The following ZNF398 variants were observed in gnomAD, a reference collection of about 807,000 sequenced individuals.
ZNF398 encodes zinc finger DNA binding protein ZER6.
Under a neutral mutation model 41.9 loss-of-function variants are expected in ZNF398, and 18 were observed. The ratio of observed to expected loss-of-function variants is 0.43; its 90% CI spans 0.30 to 0.64. The LOEUF (loss-of-function observed/expected upper bound fraction) is 0.64. Among genes scored for constraint, ZNF398 ranks in the 30% least tolerant of loss-of-function variants. The probability of loss-of-function intolerance (pLI) is 0.14; values close to 1 mark genes in which losing one functional copy is unlikely to be tolerated. For missense variants in ZNF398, 669 were observed against 822.8 expected (o/e 0.81, Z 2.29); for synonymous variants, 260 against 308.8 (o/e 0.84, Z 1.66).
intron 2 of ZNF398, among the ~76,000 whole-genome samples, chr7:149,131,522 C>T (rs1335253922): frequency 6.6e-6 from 1 of 152,074 alleles, no homozygotes; most frequent in Non-Finnish European, 1.5e-5. Flanking sequence ...CCCATCTCTA[C>T]TACAAATACA....
chr7:149,161,087 C>T (rs1468316831), intron 2 of ZNF398, among the ~76,000 whole-genome samples: 2 of 152,076 alleles, frequency 1.3e-5, no homozygotes, highest in Non-Finnish European at 2.9e-5. Flanking sequence ...CACTGTGTCT[C>T]CTCCTCTTTG....
chr7:149,154,284 A>G lies in ZNF398; in HGVS notation c.364A>G (p.Asn122Asp), dbSNP rs768206745. The G allele has an allele frequency of 1.9e-6, 3 of 1,614,030 alleles. No individual in the cohort carries two copies. In the Admixed American group the frequency reaches 5.0e-5, roughly 27 times the overall value. Reference sequence around the variant, plus strand: ...GGAGAACTTGGAGAACCTGCTGCGCAACAGGAACTTCTGGATCCTGCGGCT... The same window carrying G: ...GGAGAACTTGGAGAACCTGCTGCGCGACAGGAACTTCTGGATCCTGCGGCT... Reference protein sequence around the residue: ...RLENLENLLRNRNFWILRLPP... With the variant: ...RLENLENLLRDRNFWILRLPP... The change falls in exon 2 of 6, where the codon AAC (asparagine) becomes GAC (aspartate). Residue 122 changes from asparagine (N) to aspartate (D), a missense_variant. Asn to Asp is a conservative substitution (Grantham distance 23, BLOSUM62 1). This residue lies in a region of ZNF398 where 169 missense variants were observed against 239.5 expected (regional missense o/e 0.71). Coordinates refer to ENST00000475153, the MANE Select transcript of ZNF398 (RefSeq NM_170686.3).
At chr7:149,148,482 G>C in intron 1 of ZNF398, 1 of 985,530 alleles carries the variant, frequency 1.0e-6, no homozygotes, top group Non-Finnish European at 1.2e-6. Context: ...CACCCAAGAG[G>C]TCTTTGGTCA....
rs921425090 is a variant in ZNF398, at chr7:149,164,920, C to T, written c.421-1238C>T. On this transcript the variant is annotated intron_variant, in intron 2 of 5. Transcript: ENST00000475153. ...ACCAGCCTGACCAACGTGGTGAAAC[C>T]CCATTTCTACTAAAAATACAAGAAT... is the stretch of plus-strand genomic sequence containing the variant. Among the ~76,000 whole-genome samples, 3 of 151,928 alleles carry T rather than the reference C, an allele frequency of 2.0e-5. No individual in the cohort carries two copies. In the South Asian group the frequency reaches 6.2e-4, roughly 32 times the overall value.
At chr7:149,177,787 G>A (rs934436035) in intron 5 of ZNF398, among the ~76,000 whole-genome samples, 4 of 152,184 alleles carry the variant, frequency 2.6e-5, no homozygotes, top group Non-Finnish European at 4.4e-5. Flanking sequence ...TGAAAGTAAC[G>A]TTGGGAAGAT....
In ZNF398 at chr7:149,147,866, CG is replaced by C; in HGVS notation, c.24+103del. On this transcript the variant is annotated intron_variant, in intron 1 of 5. Coordinates refer to ENST00000475153, the MANE Select transcript of ZNF398 (RefSeq NM_170686.3). This position sits in a 1 kb window ranked among gnomAD's most constrained non-coding sequence, Gnocchi z 5.6. ...AGCTGCCAGGCATAGGCGCCGTTCT[CG>C]GGTCCCGCCGGCCACGTCGCCTGTC... 7.9e-7 allele frequency: 1 copy of C among 1,258,162 alleles called. No individual in the cohort carries two copies. The highest frequency in any genetic ancestry group is 1.0e-6 in the Non-Finnish European group (1 of 984,714). 77.9% of individuals were successfully genotyped at this position (1,258,162 alleles called of 1,614,324 possible). A position where few individuals can be genotyped will look rare whatever the true frequency, so the allele number is the denominator to read the frequency against.
At chr7:149,137,492 C>A (rs1457704499) in intron 2 of ZNF398, among the ~76,000 whole-genome samples, 3 of 152,032 alleles carry the variant, frequency 2.0e-5, no homozygotes, top group African/African-American at 7.2e-5. Context: ...AGCAATTCTC[C>A]CGCCTCAGCC....
intron 2 of ZNF398, among the ~76,000 whole-genome samples, chr7:149,159,496 A>T (rs1283782056): frequency 6.6e-6 from 1 of 151,534 alleles, no homozygotes; most frequent in East Asian, 2.0e-4. Context: ...AATACAAAAA[A>T]AATTAGCCGG....
At chr7:149,150,409 G>A (rs1448517929) in intron 1 of ZNF398, among the ~76,000 whole-genome samples, 1 of 152,070 alleles carries the variant, frequency 6.6e-6, no homozygotes, top group Non-Finnish European at 1.5e-5. Flanking sequence ...GACCAGCCTA[G>A]GCAATATGGT....
chr7:149,179,036 C>G lies in ZNF398; in HGVS notation c.1164C>G (p.Thr388=). ...CTCCACAGGCGGACCTCAGCAGCACCTCCCAGGACCATGCCAGCGAGACAC... is the reference window on the plus strand; with the variant it reads ...CTCCACAGGCGGACCTCAGCAGCACGTCCCAGGACCATGCCAGCGAGACAC... The part of the protein sequence containing the change: ...HFTPQADLSS[T]SQDHASETPP... Residue 388 remains threonine (T), a synonymous_variant, in exon 6 of 6, where the codon ACC becomes ACG. Coordinates refer to ENST00000475153, the MANE Select transcript of ZNF398 (RefSeq NM_170686.3). This position sits in a 1 kb window ranked among gnomAD's most constrained non-coding sequence, Gnocchi z 6.1. 6.2e-7 allele frequency: 1 copy of G among 1,614,138 alleles called. No individual in the cohort carries two copies. Among genetic ancestry groups the G allele is most frequent in the South Asian group, 1.1e-5 (1 of 91,074 alleles).
chr7:149,132,384 G>T (rs1285446668), intron 2 of ZNF398, among the ~76,000 whole-genome samples: 1 of 151,846 alleles, frequency 6.6e-6, no homozygotes, highest in Non-Finnish European at 1.5e-5. Flanking sequence ...AGTAGATATG[G>T]GGTTTCTCCA....
At chr7:149,158,222 A>G (rs1338430236) in intron 2 of ZNF398, among the ~76,000 whole-genome samples, 6 of 152,196 alleles carry the variant, frequency 3.9e-5, no homozygotes, top group African/African-American at 1.2e-4. Context: ...TTTATGTTGA[A>G]TATGTTACTG....
chr7:149,172,987 CAG>C (rs1275412948), intron 4 of ZNF398, among the ~76,000 whole-genome samples: 1 of 151,922 alleles, frequency 6.6e-6, no homozygotes, highest in East Asian at 1.9e-4. Context: ...TCTGAACCTT[CAG>C]AGTCATAATC....
chr7:149,139,979 CAG>C, intron 2 of ZNF398, among the ~76,000 whole-genome samples: 1 of 151,998 alleles, frequency 6.6e-6, no homozygotes, highest in Admixed American at 6.6e-5. Flanking sequence ...GCCTGGGCAA[CAG>C]AGCGAAATCC....
chr7:149,176,091 G>A (rs556442545), intron 4 of ZNF398, among the ~76,000 whole-genome samples: 92 of 152,280 alleles, frequency 6.0e-4, no homozygotes, highest in Non-Finnish European at 9.9e-4. Flanking sequence ...CCAGCACTTT[G>A]GGAGGCCAAG....
chr7:149,159,186 C>T (rs997044075), intron 2 of ZNF398, among the ~76,000 whole-genome samples: 2 of 151,806 alleles, frequency 1.3e-5, no homozygotes, highest in Admixed American at 6.6e-5. Flanking sequence ...AAGTGATGCA[C>T]CTGCCCTGGT....
chr7:149,136,838 G>A (rs539311352), intron 2 of ZNF398, among the ~76,000 whole-genome samples: 26 of 149,990 alleles, frequency 1.7e-4, no homozygotes, highest in African/African-American at 4.9e-4. Context: ...AAAATGCTGC[G>A]ATTACAGGCG....
upstream of ZNF398, among the ~76,000 whole-genome samples, chr7:149,146,237 C>G (rs1457422183): frequency 6.7e-6 from 1 of 149,430 alleles, no homozygotes; most frequent in Non-Finnish European, 1.5e-5. Context: ...CTGCGCTCGG[C>G]CTGTTCTCGC....
At chr7:149,136,413 T>G (rs555417924) in intron 2 of ZNF398, among the ~76,000 whole-genome samples, 167 of 152,256 alleles carry the variant, frequency 1.1e-3, no homozygotes, top group African/African-American at 3.8e-3. Context: ...GCAGAGGTGC[T>G]CCTCACTTCC....
Sources: gnomAD v4.1 joint callset for allele counts (sites outside exome capture counted in the v4.1 genomes callset) on GRCh38, gnomAD v4.1.1 for gene constraint, gnomAD v4.1.1 regional missense constraint, Gnocchi (gnomAD v3.1) non-coding constraint, MANE v1.5 for transcripts, NCBI Gene and HGNC (gene_info 2026-07-23, HGNC 2026-07-21) for gene names.